SENP7: variants seen among roughly 807,000 people sequenced by gnomAD.
The protein encoded by SENP7 is SUMO specific peptidase 7.
A neutral mutation model predicts 141.2 loss-of-function variants in SENP7; 64 were observed. The ratio of observed to expected loss-of-function variants is 0.45; its 90% CI spans 0.37 to 0.56. The LOEUF (loss-of-function observed/expected upper bound fraction) is 0.56. SENP7 is among the 20% of genes least tolerant of loss of function. The pLI is 0.00. For missense variants in SENP7, 1,025 were observed against 1,212.2 expected (o/e 0.85, Z 2.29); for synonymous variants, 382 against 426.4 (o/e 0.90, Z 1.28).
chr3:101,421,663 C>T (rs1327825145), intron 4 of SENP7, among the ~76,000 whole-genome samples: 7 of 152,146 alleles, frequency 4.6e-5, no homozygotes, highest in South Asian at 4.2e-4. Flanking sequence ...TTGGCTTCTC[C>T]GGGAAAATAC....
intron 4 of SENP7, among the ~76,000 whole-genome samples, chr3:101,443,163 C>A (rs900992163): frequency 6.6e-5 from 10 of 152,178 alleles, no homozygotes; most frequent in African/African-American, 2.4e-4. Flanking sequence ...CAGCTTTCTA[C>A]ATATGGCTAG....
intron 13 of SENP7, among the ~76,000 whole-genome samples, chr3:101,344,232 T>G (rs554218706): frequency 3.9e-5 from 6 of 152,296 alleles, no homozygotes; most frequent in Non-Finnish European, 7.4e-5. Context: ...AAACATTTGT[T>G]AATGAATGTA....
chr3:101,334,368 G>A (rs2059132120), intron 17 of SENP7, among the ~76,000 whole-genome samples: 1 of 152,094 alleles, frequency 6.6e-6, no homozygotes. Flanking sequence ...GATAAAGGTG[G>A]TATGTGACTT....
chr3:101,394,654 T>A (rs959563164), intron 6 of SENP7, among the ~76,000 whole-genome samples: 11 of 152,000 alleles, frequency 7.2e-5, no homozygotes, highest in African/African-American at 2.7e-4. Context: ...CTGGGACTTC[T>A]TTTTAAAATT....
chr3:101,435,134 A>T (rs2062334455), intron 4 of SENP7, among the ~76,000 whole-genome samples: 1 of 152,112 alleles, frequency 6.6e-6, no homozygotes, highest in African/African-American at 2.4e-5. Flanking sequence ...ATCAATCAAC[A>T]TGATTCATCA....
intron 3 of SENP7, among the ~76,000 whole-genome samples, chr3:101,480,690 G>C (rs1400948465): frequency 6.6e-6 from 1 of 152,016 alleles, no homozygotes; most frequent in Non-Finnish European, 1.5e-5. Flanking sequence ...ATAGAATGAA[G>C]AGACAGTCTA....
At chr3:101,346,414 A>T (rs1174927567) in intron 13 of SENP7, among the ~76,000 whole-genome samples, 97 of 152,330 alleles carry the variant, frequency 6.4e-4, no homozygotes, top group African/African-American at 2.2e-3. Flanking sequence ...CTGGGTATCT[A>T]CCCAGAGGAA....
At chr3:101,507,825 T>A (rs1576560768) in intron 1 of SENP7, among the ~76,000 whole-genome samples, 1 of 151,204 alleles carries the variant, frequency 6.6e-6, no homozygotes, top group Non-Finnish European at 1.5e-5. Flanking sequence ...CCAAGGCAGG[T>A]GGACCATGAT....
intron 4 of SENP7, among the ~76,000 whole-genome samples, chr3:101,452,936 G>A (rs1054738406): frequency 1.3e-5 from 2 of 152,106 alleles, no homozygotes; most frequent in African/African-American, 2.4e-5. Flanking sequence ...GCAACCTACA[G>A]AATGGGAGAA....
intron 6 of SENP7, among the ~76,000 whole-genome samples, chr3:101,380,408 A>G (rs886644034): frequency 1.4e-5 from 2 of 144,760 alleles, no homozygotes; most frequent in Non-Finnish European, 3.0e-5. Context: ...AAGAGTCTAA[A>G]TCTTCTAGAA....
Position 101,465,126 on chromosome 3 carries a change from C to T in SENP7, c.187-6074G>A, listed in dbSNP as rs1576436552. Reference sequence around the variant, plus strand: ...CCTACCCACCTACTGCTACCAAGACCCACACACACCATTAGGGGGGTGGAG... The same window carrying T: ...CCTACCCACCTACTGCTACCAAGACTCACACACACCATTAGGGGGGTGGAG... On this transcript the variant is annotated intron_variant, in intron 3 of 23. Transcript: ENST00000394095. Among the ~76,000 whole-genome samples, 7 of 152,130 alleles carry T rather than the reference C, an allele frequency of 4.6e-5. 2 individuals are homozygous for T. Among genetic ancestry groups the T allele is most frequent in the Admixed American group, 4.6e-4 (7 of 15,286 alleles).
chr3:101,509,522 C>T (rs1249679940), intron 1 of SENP7, among the ~76,000 whole-genome samples: 1 of 152,220 alleles, frequency 6.6e-6, no homozygotes, highest in Non-Finnish European at 1.5e-5. Context: ...TCTTCCTCCG[C>T]ACTTTGAAAT....
At chr3:101,441,029 C>T (rs2062649186) in intron 4 of SENP7, among the ~76,000 whole-genome samples, 1 of 152,168 alleles carries the variant, frequency 6.6e-6, no homozygotes. Context: ...GCCCAGCTCA[C>T]CACCACCATC....
chr3:101,347,805 T>C, intron 13 of SENP7, 67 bp downstream of exon 13: 4 of 742,796 alleles, frequency 5.4e-6, no homozygotes, highest in Non-Finnish European at 6.0e-6. Context: ...TATTAAATTA[T>C]TTTAGGAAAA....
chr3:101,464,085 A>G (rs1347930467), intron 3 of SENP7, among the ~76,000 whole-genome samples: 1 of 152,100 alleles, frequency 6.6e-6, no homozygotes, highest in African/African-American at 2.4e-5. Flanking sequence ...TCAGCCTCCA[A>G]AAGTGCTGGA....
At chr3:101,341,947 G>A (rs566882720) in intron 14 of SENP7, among the ~76,000 whole-genome samples, 168 bp from the exon 15 acceptor site, 3 of 152,172 alleles carry the variant, frequency 2.0e-5, no homozygotes, top group Non-Finnish European at 4.4e-5. Context: ...TACTGGTGAT[G>A]AAAAGATATT....
chr3:101,419,125 G>A (rs1401671586), intron 4 of SENP7, among the ~76,000 whole-genome samples: 1 of 152,100 alleles, frequency 6.6e-6, no homozygotes, highest in African/African-American at 2.4e-5. Context: ...TCTCAAAGAA[G>A]GACAGGCACT....
chr3:101,463,376 T>TATATATATATAC (rs1559864913), intron 3 of SENP7, among the ~76,000 whole-genome samples: 26 of 85,272 alleles, frequency 3.0e-4, no homozygotes, highest in African/African-American at 4.9e-4. Context: ...TATATATATA[T>TATATATATATAC]ATATATATAT....
At chr3:101,352,922 T>C (rs2059648650) in intron 11 of SENP7, among the ~76,000 whole-genome samples, 1 of 152,000 alleles carries the variant, frequency 6.6e-6, no homozygotes, top group African/African-American at 2.4e-5. Context: ...TGTGAGGCAA[T>C]AGATCATAAT....
Sources: gnomAD v4.1 joint callset for allele counts (sites outside exome capture counted in the v4.1 genomes callset) on GRCh38, gnomAD v4.1.1 for gene constraint, MANE v1.5 for transcripts, NCBI Gene and HGNC (gene_info 2026-07-23, HGNC 2026-07-21) for gene names.